The following MGST1 variants were observed in gnomAD, a reference collection of about 807,000 sequenced individuals.
MGST1 encodes glutathione S-transferase 12.
A neutral mutation model predicts 8.9 loss-of-function variants in MGST1; 5 were observed. The observed-to-expected ratio is 0.56, with a 90% confidence interval of 0.29 to 1.19. MGST1 has a LOEUF of 1.19. Ranked by LOEUF, MGST1 falls within the 50% of genes most tolerant of loss-of-function variation. MGST1 has a pLI of 0.08. For synonymous variants in MGST1, 54 were observed against 67.8 expected (o/e 0.80, Z 1.00); for missense variants, 182 against 187.4 (o/e 0.97, Z 0.17).
At chr12:16,510,746 C>T (rs1240679946) in intron 4 of MGST1, among the ~76,000 whole-genome samples, 1 of 152,114 alleles carries the variant, frequency 6.6e-6, no homozygotes, top group Non-Finnish European at 1.5e-5. Flanking sequence ...TATACTAGAG[C>T]TGAAGATAAA....
chr12:16,386,902 T>C (rs1940508487), intron 1 of MGST1, among the ~76,000 whole-genome samples: 1 of 152,248 alleles, frequency 6.6e-6, no homozygotes, highest in East Asian at 1.9e-4. Flanking sequence ...CTGCACAATA[T>C]ACACTGTCCA....
At chr12:16,528,727 C>T (rs1173545578) in intron 4 of MGST1, among the ~76,000 whole-genome samples, 1 of 151,996 alleles carries the variant, frequency 6.6e-6, no homozygotes, top group Non-Finnish European at 1.5e-5. Flanking sequence ...TTATGTGAAT[C>T]TACTCATCAC....
At chr12:16,470,824 A>G (rs1941285856) in intron 4 of MGST1, among the ~76,000 whole-genome samples, 1 of 152,234 alleles carries the variant, frequency 6.6e-6, no homozygotes, top group African/African-American at 2.4e-5. Flanking sequence ...TTAAGAGTTA[A>G]CTATTTTTCC....
chr12:16,578,845 C>G (rs1196905446), intron 4 of MGST1, among the ~76,000 whole-genome samples: 1 of 151,756 alleles, frequency 6.6e-6, no homozygotes, highest in Non-Finnish European at 1.5e-5. Context: ...ACAACAACAA[C>G]AACAACAACA....
At chr12:16,459,045 G>A (rs902409954) in intron 4 of MGST1, among the ~76,000 whole-genome samples, 1 of 152,032 alleles carries the variant, frequency 6.6e-6, no homozygotes, top group African/African-American at 2.4e-5. Context: ...TGCTTTAAAC[G>A]ACAAAAGTCT....
intron 1 of MGST1, among the ~76,000 whole-genome samples, chr12:16,415,656 C>A (rs1467059490): frequency 6.6e-6 from 1 of 152,078 alleles, no homozygotes; most frequent in African/African-American, 2.4e-5. Flanking sequence ...GTGTATAACA[C>A]AAAAAATATG....
chr12:16,551,431 G>C, intron 4 of MGST1: 1 of 693,864 alleles, frequency 1.4e-6, no homozygotes, highest in Non-Finnish European at 2.5e-6. Context: ...GTAATTCCCT[G>C]AATCTGAAAA....
chr12:16,504,921 C>T (rs769425369), intron 4 of MGST1, among the ~76,000 whole-genome samples: 3 of 152,082 alleles, frequency 2.0e-5, no homozygotes, highest in Admixed American at 6.6e-5. Context: ...CAAATCCCAC[C>T]GAGGCTGGCT....
chr12:16,363,498 A>G lies in MGST1; in HGVS notation c.222-297A>G, dbSNP rs1160371370. The G allele has an allele frequency of 5.7e-6, 1 of 176,748 alleles. No individual in the cohort carries two copies. Among genetic ancestry groups the G allele is most frequent in the East Asian group, 1.5e-4 (1 of 6,870 alleles). The allele number at this position is 176,748 out of a possible 1,614,324, so 10.9% of individuals were successfully genotyped here. A position where few individuals can be genotyped will look rare whatever the true frequency, so the allele number is the denominator to read the frequency against. ...TCATAAGAAAAAAGTATTTTTATTT[A>G]CAAAAATGAAATGAGTTCTATTAGA... On this transcript the variant is annotated intron_variant, in intron 3 of 3. Transcript: ENST00000396210. This position sits in a 1 kb window ranked among gnomAD's most constrained non-coding sequence, Gnocchi z 4.6.
chr12:16,509,080 T>C (rs2137176979), intron 4 of MGST1, among the ~76,000 whole-genome samples: 1 of 152,330 alleles, frequency 6.6e-6, no homozygotes, highest in African/African-American at 2.4e-5. Flanking sequence ...AATTTCTTGT[T>C]GTCTGCTTTT....
chr12:16,462,964 C>T (rs538503215), intron 4 of MGST1, among the ~76,000 whole-genome samples: 1 of 152,252 alleles, frequency 6.6e-6, no homozygotes, highest in South Asian at 2.1e-4. Context: ...CTGATATACC[C>T]GCTGTAGACT....
intron 4 of MGST1, among the ~76,000 whole-genome samples, chr12:16,455,878 A>T (rs768413759): frequency 6.6e-6 from 1 of 151,910 alleles, no homozygotes; most frequent in Non-Finnish European, 1.5e-5. Flanking sequence ...AATTTTCAAT[A>T]GTAAGTTATT....
At position 16,582,015 on chromosome 12, in the gene MGST1, A is replaced by T. The variant is rs1430825820; in HGVS notation, n.483-7513A>T. Among the ~76,000 whole-genome samples, 1 of 152,076 alleles carries T rather than the reference A, an allele frequency of 6.6e-6. No individual in the cohort carries two copies. The highest frequency in any genetic ancestry group is 6.6e-5 in the Admixed American group (1 of 15,264). On this transcript the variant is annotated intron_variant and non_coding_transcript_variant, in intron 4 of 4. Transcript: ENST00000538857. This position sits in a 1 kb window ranked among gnomAD's most constrained non-coding sequence, Gnocchi z 4.1. ...TTTCTTATCTTATTACATTGGCTAG[A>T]CCCTTTAAAACATTAAATATGAGGG...
chr12:16,558,089 T>C (rs923795806), intron 4 of MGST1, among the ~76,000 whole-genome samples: 6 of 151,950 alleles, frequency 3.9e-5, no homozygotes, highest in Admixed American at 2.0e-4. Context: ...TAATGGCAGG[T>C]AAAAAAGGCA....
intron 4 of MGST1, among the ~76,000 whole-genome samples, chr12:16,444,013 C>G (rs560653730): frequency 6.6e-6 from 1 of 151,748 alleles, no homozygotes; most frequent in Non-Finnish European, 1.5e-5. Flanking sequence ...TCTGTGTTGT[C>G]GCTGGCTGAT....
chr12:16,352,239 G>A (rs1480364699), intron 1 of MGST1, among the ~76,000 whole-genome samples: 1 of 152,206 alleles, frequency 6.6e-6, no homozygotes, highest in Non-Finnish European at 1.5e-5. Flanking sequence ...ATAAAGCTAA[G>A]TATATATGTA....
chr12:16,463,618 A>G (rs1021922348), intron 4 of MGST1, among the ~76,000 whole-genome samples: 21 of 152,078 alleles, frequency 1.4e-4, no homozygotes, highest in Middle Eastern at 6.8e-3. Context: ...AAGAAAAAAA[A>G]AGAAATCAGT....
intron 4 of MGST1, among the ~76,000 whole-genome samples, chr12:16,566,174 T>C (rs187328492): frequency 3.5e-4 from 52 of 150,532 alleles, no homozygotes; most frequent in African/African-American, 1.2e-3. Flanking sequence ...TCTCAGTCAT[T>C]TGGAAGCTAA....
chr12:16,500,552 G>A lies in MGST1; in HGVS notation n.483-88976G>A, dbSNP rs1343353134. Among the ~76,000 whole-genome samples, 1 of 152,150 alleles carries A rather than the reference G, an allele frequency of 6.6e-6. No individual in the cohort carries two copies. ...ATTTTGTGTGCCAGTCCTGTCCTTT[G>A]ATGGTGGTGCTTACTCCCCTAAAAC... On this transcript the variant is annotated intron_variant and non_coding_transcript_variant, in intron 4 of 4. Transcript: ENST00000538857. This position sits in a 1 kb window ranked among gnomAD's most constrained non-coding sequence, Gnocchi z 4.3.
Sources: allele counts gnomAD v4.1 joint callset (sites outside exome capture counted in the v4.1 genomes callset), GRCh38; gene constraint gnomAD v4.1.1; non-coding constraint Gnocchi (gnomAD v3.1); transcripts MANE v1.5; gene names NCBI Gene and HGNC (gene_info 2026-07-23, HGNC 2026-07-21).